Variants in ANKRD26 observed in about 807,000 individuals in gnomAD.
ANKRD26 encodes ankyrin repeat domain-containing protein 26.
In ANKRD26, 141 loss-of-function variants were observed where a neutral mutation model predicts 208.7. The ratio of observed to expected loss-of-function variants is 0.68; its 90% CI spans 0.59 to 0.78. The LOEUF is 0.78. Ranked by LOEUF, ANKRD26 falls within the 30% of genes least tolerant of loss-of-function variation. The pLI is 0.00. For missense variants in ANKRD26, 1,889 were observed against 1,938.7 expected, an observed-to-expected ratio of 0.97 and a Z score of 0.48; for synonymous variants, 636 against 660.4, an observed-to-expected ratio of 0.96 and a Z score of 0.57.
intron 16 of ANKRD26, chr10:27,051,694 C>T (rs766285689): frequency 4.8e-5 from 47 of 985,146 alleles, no homozygotes; most frequent in African/African-American, 7.0e-5. Context: ...AAGCCATTTT[C>T]GAGACTGAGT....
intron 17 of ANKRD26, among the ~76,000 whole-genome samples, chr10:27,047,170 T>A (rs1223634253): frequency 3.3e-5 from 5 of 152,234 alleles, no homozygotes; most frequent in Non-Finnish European, 7.3e-5. Context: ...AAGTTTATTT[T>A]AAATGAAGTT....
chr10:27,028,747 G>T, intron 27 of ANKRD26, 105 bp downstream of exon 27: 1 of 947,862 alleles, frequency 1.1e-6, no homozygotes, highest in Non-Finnish European at 1.6e-6. Flanking sequence ...TCCAAAATCT[G>T]AAACACTTCT....
intron 15 of ANKRD26, among the ~76,000 whole-genome samples, chr10:27,056,876 T>TAAGA (rs957888256): frequency 2.0e-5 from 3 of 152,188 alleles, no homozygotes; most frequent in Admixed American, 6.5e-5. Context: ...GTTACCTTCT[T>TAAGA]TGCTTTTTGT....
chr10:26,972,776 G>C (rs973013092), downstream of ANKRD26, among the ~76,000 whole-genome samples: 2 of 151,944 alleles, frequency 1.3e-5, no homozygotes, highest in Non-Finnish European at 2.9e-5. Flanking sequence ...ATTTTTAGTA[G>C]AGACGGGGTT....
intron 4 of ANKRD26, chr10:26,995,288 T>C (rs2052566038): frequency 2.4e-6 from 1 of 415,760 alleles, no homozygotes; most frequent in African/African-American, 2.0e-5. Flanking sequence ...GAGAATGCGG[T>C]ACACAAACAG....
At chr10:27,072,780 G>A (rs572986413) in intron 9 of ANKRD26, among the ~76,000 whole-genome samples, 1 of 152,206 alleles carries the variant, frequency 6.6e-6, no homozygotes, top group Non-Finnish European at 1.5e-5. Context: ...CTAACCAGGA[G>A]GTCCTGCAAC....
chr10:27,056,508 G>A (rs1459134382), intron 15 of ANKRD26, among the ~76,000 whole-genome samples: 1 of 151,788 alleles, frequency 6.6e-6, no homozygotes, highest in African/African-American at 2.4e-5. Flanking sequence ...GGCTGGGCAA[G>A]GTTACATGCC....
intron 27 of ANKRD26, among the ~76,000 whole-genome samples, chr10:27,027,581 T>C (rs80290511): frequency 0.016 from 2,505 of 152,282 alleles, 155 homozygotes; most frequent in East Asian, 0.16. Context: ...TCATAATCTT[T>C]TTTATTAAAA....
intron 6 of ANKRD26, chr10:27,080,616 T>C: frequency 1.0e-6 from 1 of 985,006 alleles, no homozygotes; most frequent in Non-Finnish European, 1.2e-6. Context: ...AAGTACTATC[T>C]AAACACCTTC....
rs530801101 is a variant in ANKRD26 at position 27,093,739 on chromosome 10, G to C, written c.303C>G (p.Asp101Glu). The change falls in exon 2 of 34, where the codon GAC becomes GAG. Residue 101 changes from aspartate to glutamate, a missense_variant. Asp to Glu is a conservative substitution (Grantham distance 45). This residue lies in a region of ANKRD26 where 1,272 missense variants were observed against 1,273.8 expected (regional missense o/e 1.00). Transcript: ENST00000376087. Reference protein sequence around the residue: ...GHPEVVTLLVDRKCQLNVCDN... With the variant: ...GHPEVVTLLVERKCQLNVCDN... ...CACAGACATTGAGCTGGCATTTTCT[G>C]TCCACCAGGAGAGTTACTACTTCTG... The C allele has an allele frequency of 1.2e-4, 201 of 1,614,196 alleles. 4 individuals are homozygous for C. The South Asian group carries it at 2.0e-3, about 16-fold the overall frequency.
chr10:27,009,679 A>C (rs2053022074), intron 32 of ANKRD26, among the ~76,000 whole-genome samples: 1 of 152,342 alleles, frequency 6.6e-6, no homozygotes, highest in East Asian at 1.9e-4. Flanking sequence ...ATAAATTACT[A>C]ATCTCTTACG....
At position 27,086,459 on chromosome 10, in the gene ANKRD26, T is replaced by G. The variant is rs148826754; in HGVS notation, c.709+80A>C. 506 of 1,558,128 alleles carry G rather than the reference T, an allele frequency of 3.2e-4. No individual in the cohort carries two copies. In the African/African-American group the frequency reaches 6.2e-3, roughly 19 times the overall value. On this transcript the variant is annotated intron_variant, in intron 5 of 33. Coordinates refer to ENST00000376087, the MANE Select transcript of ANKRD26 (RefSeq NM_014915.3). ...ATACACTGATTTTTAAAACTGCTTTTCTGTGATCAACACTTCCTTACTTTT... is the reference window on the plus strand; with the variant it reads ...ATACACTGATTTTTAAAACTGCTTTGCTGTGATCAACACTTCCTTACTTTT...
chr10:27,009,686 T>C (rs1377728235), intron 32 of ANKRD26, among the ~76,000 whole-genome samples: 2 of 152,172 alleles, frequency 1.3e-5, no homozygotes, highest in Admixed American at 6.5e-5. Flanking sequence ...ACTAATCTCT[T>C]ACGCTAATAA....
Position 27,086,761 on chromosome 10 carries a change from CTTTT to C in ANKRD26, c.639-156_639-153del, listed in dbSNP as rs1255812481. ...ACTTCAAATATGTAAGCTCTACAAA[CTTTT>C]TTGTTTTTTTTTTTTTTTTTTTTTG... is the stretch of plus-strand genomic sequence containing the variant. On this transcript the variant is annotated intron_variant, in intron 4 of 33. Coordinates refer to ENST00000376087, the MANE Select transcript of ANKRD26 (RefSeq NM_014915.3). 1.9e-3 allele frequency: 728 copies of C among 377,714 alleles called. 6 individuals are homozygous for C. The highest frequency in any genetic ancestry group is 0.018 in the South Asian group (487 of 26,922). The allele number at this position is 377,714 out of a possible 1,614,324, so 23.4% of individuals were successfully genotyped here.
At chr10:26,962,797 A>C in the ANKRD26 span, among the ~76,000 whole-genome samples, 1 of 152,182 alleles carries the variant, frequency 6.6e-6, no homozygotes, top group African/African-American at 2.4e-5. Flanking sequence ...ACAACAACAG[A>C]TAAATCGCTT....
intron 9 of ANKRD26, among the ~76,000 whole-genome samples, chr10:27,071,341 A>ATTT (rs1554790231): frequency 1.6e-5 from 2 of 127,852 alleles, no homozygotes; most frequent in African/African-American, 5.8e-5. Context: ...AATTTTTTGT[A>ATTT]TTTTTTTTTT....
intron 5 of ANKRD26, among the ~76,000 whole-genome samples, chr10:26,976,283 C>T (rs765545994): frequency 3.9e-5 from 6 of 151,918 alleles, no homozygotes; most frequent in African/African-American, 7.3e-5. Context: ...GGGGTGATCT[C>T]GGCTCACTGC....
chr10:27,001,377 A>G (rs763762001), downstream of ANKRD26, among the ~76,000 whole-genome samples: 3 of 152,172 alleles, frequency 2.0e-5, no homozygotes, highest in Non-Finnish European at 4.4e-5. Flanking sequence ...GGGTGAGGCT[A>G]AGAGCAGAGG....
intron 3 of ANKRD26, among the ~76,000 whole-genome samples, chr10:26,984,874 C>G (rs1385730498): frequency 2.6e-5 from 4 of 152,134 alleles, no homozygotes; most frequent in African/African-American, 9.7e-5. Flanking sequence ...TTGGTCCTTT[C>G]CACCAGCCCT....
Sources: gnomAD v4.1 joint callset for allele counts (sites outside exome capture counted in the v4.1 genomes callset) on GRCh38, gnomAD v4.1.1 for gene constraint, gnomAD v4.1.1 regional missense constraint, MANE v1.5 for transcripts, NCBI Gene and HGNC (gene_info 2026-07-23, HGNC 2026-07-21) for gene names.